The following GPD2 variants were observed in gnomAD, a reference collection of about 807,000 sequenced individuals.
The protein encoded by GPD2 is glycerol-3-phosphate dehydrogenase 2.
Under a neutral mutation model 82.4 loss-of-function variants are expected in GPD2, and 54 were observed. That is an observed-to-expected ratio of 0.66 (90% confidence interval 0.53 to 0.82). The LOEUF (loss-of-function observed/expected upper bound fraction) is 0.82, where lower values mean the gene tolerates loss of function less well. Among genes scored for constraint, GPD2 ranks in the 40% least tolerant of loss-of-function variants. GPD2 has a pLI of 0.00. For synonymous variants in GPD2, 288 were observed against 306.1 expected, an observed-to-expected ratio of 0.94 and a Z score of 0.62; for missense variants, 748 against 896.2, an observed-to-expected ratio of 0.83 and a Z score of 2.11.
intron 7 of GPD2, 115 bp downstream of exon 7, chr2:156,549,887 T>C (rs1396410106): frequency 1.2e-6 from 1 of 831,834 alleles, no homozygotes; most frequent in Non-Finnish European, 2.0e-6. Flanking sequence ...TTCAGAGTCA[T>C]ATTAATTATA....
At chr2:156,460,955 A>G (rs1471480812) in intron 1 of GPD2, among the ~76,000 whole-genome samples, 3 of 151,958 alleles carry the variant, frequency 2.0e-5, no homozygotes, top group Non-Finnish European at 4.4e-5. Context: ...CCTTTTTTCT[A>G]TACTTGCATC....
chr2:156,575,520 A>T (rs1687788136), intron 13 of GPD2, among the ~76,000 whole-genome samples: 1 of 149,876 alleles, frequency 6.7e-6, no homozygotes, highest in Admixed American at 6.7e-5. Flanking sequence ...CTCCCACCTC[A>T]GCCTCCCAAG....
intron 1 of GPD2, among the ~76,000 whole-genome samples, chr2:156,449,950 G>A (rs1682497295): frequency 6.6e-6 from 1 of 152,104 alleles, no homozygotes; most frequent in Non-Finnish European, 1.5e-5. Flanking sequence ...GGTGGAGGTT[G>A]CAGTGAGCCA....
the GPD2 span, among the ~76,000 whole-genome samples, chr2:156,424,078 G>T: frequency 6.6e-6 from 1 of 152,142 alleles, no homozygotes; most frequent in Non-Finnish European, 1.5e-5. Flanking sequence ...GCAAACAAGG[G>T]CTGGAGAGAA....
upstream of GPD2, among the ~76,000 whole-genome samples, chr2:156,431,484 T>G (rs554553445): frequency 6.7e-4 from 102 of 152,276 alleles, no homozygotes; most frequent in Admixed American, 1.4e-3. Context: ...TTTTGTTTTT[T>G]GCTTTTTTTT....
chr2:156,515,620 T>A (rs2105278548), intron 6 of GPD2, among the ~76,000 whole-genome samples: 1 of 152,330 alleles, frequency 6.6e-6, no homozygotes, highest in South Asian at 2.1e-4. Context: ...GAATTGATCT[T>A]TATAGCCTGT....
intron 9 of GPD2, among the ~76,000 whole-genome samples, chr2:156,566,305 C>T (rs899637092): frequency 2.0e-5 from 3 of 152,040 alleles, no homozygotes; most frequent in Non-Finnish European, 4.4e-5. Flanking sequence ...ATGCAACCAT[C>T]ACCACCTTCC....
At chr2:156,406,386 A>T in the GPD2 span, among the ~76,000 whole-genome samples, 1 of 152,180 alleles carries the variant, frequency 6.6e-6, no homozygotes, top group Non-Finnish European at 1.5e-5. Context: ...AAGCATATCC[A>T]ATTAGTCAAC....
At chr2:156,424,911 C>A in the GPD2 span, among the ~76,000 whole-genome samples, 1 of 151,986 alleles carries the variant, frequency 6.6e-6, no homozygotes, top group South Asian at 2.1e-4. Flanking sequence ...AGAAAAATAT[C>A]TATTCATCTA....
At chr2:156,558,748 C>T (rs1055540408) in intron 9 of GPD2, among the ~76,000 whole-genome samples, 16 of 149,092 alleles carry the variant, frequency 1.1e-4, no homozygotes, top group African/African-American at 3.7e-4. Flanking sequence ...CAGGTGCCCA[C>T]CACCACGCCC....
At chr2:156,552,646 CA>C (rs1686801914) in intron 8 of GPD2, among the ~76,000 whole-genome samples, 1 of 152,128 alleles carries the variant, frequency 6.6e-6, no homozygotes, top group South Asian at 2.1e-4. Context: ...TTATTCCCCA[CA>C]GACCTTATGT....
chr2:156,413,122 T>A, the GPD2 span, among the ~76,000 whole-genome samples: 5 of 151,572 alleles, frequency 3.3e-5, no homozygotes, highest in Admixed American at 2.0e-4. Flanking sequence ...GGGAGAAAGA[T>A]GAGCAATGTG....
chr2:156,430,996 A>G (rs1454920222), upstream of GPD2, among the ~76,000 whole-genome samples: 1 of 152,262 alleles, frequency 6.6e-6, no homozygotes, highest in Non-Finnish European at 1.5e-5. Context: ...TCGTCTGACA[A>G]CACAACAAAA....
At chr2:156,545,461 A>G (rs1219531356) in intron 6 of GPD2, among the ~76,000 whole-genome samples, 5 of 152,242 alleles carry the variant, frequency 3.3e-5, no homozygotes, top group Non-Finnish European at 5.9e-5. Flanking sequence ...TCAGGTCAGG[A>G]CACAGGGACA....
intron 6 of GPD2, among the ~76,000 whole-genome samples, chr2:156,523,616 A>G (rs1177075327): frequency 6.6e-6 from 1 of 152,158 alleles, no homozygotes; most frequent in Admixed American, 6.6e-5. Context: ...TTTAAAGTTA[A>G]GAACTCTCTT....
chr2:156,495,388 C>T (rs886589732), intron 2 of GPD2, among the ~76,000 whole-genome samples: 11 of 152,076 alleles, frequency 7.2e-5, no homozygotes, highest in African/African-American at 2.7e-4. Context: ...ATTTATATTA[C>T]TTTCAATGTA....
chr2:156,496,479 A>G (rs1684384605), intron 3 of GPD2, among the ~76,000 whole-genome samples: 2 of 151,896 alleles, frequency 1.3e-5, no homozygotes, highest in South Asian at 4.2e-4. Flanking sequence ...CTTGATGTGG[A>G]TAACACTTCA....
chr2:156,452,728 G>A (rs1454618396), intron 1 of GPD2, among the ~76,000 whole-genome samples: 1 of 152,190 alleles, frequency 6.6e-6, no homozygotes, highest in Non-Finnish European at 1.5e-5. Flanking sequence ...TAGAGAAGAG[G>A]AGCTGATGAA....
At chr2:156,482,868 A>G (rs1683786242) in intron 2 of GPD2, among the ~76,000 whole-genome samples, 1 of 152,236 alleles carries the variant, frequency 6.6e-6, no homozygotes, top group African/African-American at 2.4e-5. Context: ...AGGTAAGCCT[A>G]TACTACCTTT....
Sources: gnomAD v4.1 joint callset for allele counts (sites outside exome capture counted in the v4.1 genomes callset) on GRCh38, gnomAD v4.1.1 for gene constraint, MANE v1.5 for transcripts, NCBI Gene and HGNC (gene_info 2026-07-23, HGNC 2026-07-21) for gene names.